DYNC2LI1: variants seen among roughly 807,000 people sequenced by gnomAD.
DYNC2LI1 encodes the protein dynein cytoplasmic 2 light intermediate chain 1.
DYNC2LI1 carries 45 observed loss-of-function variants against 51.9 expected under a neutral mutation model. That is an observed-to-expected ratio of 0.87 (90% CI 0.68 to 1.11). The LOEUF (loss-of-function observed/expected upper bound fraction) is 1.11. Ranked by LOEUF, DYNC2LI1 falls within the 50% of genes most tolerant of loss-of-function variation. The probability of loss-of-function intolerance (pLI) is 0.00; values close to 1 mark genes in which losing one functional copy is unlikely to be tolerated. For synonymous variants in DYNC2LI1, 130 were observed against 137.8 expected, an observed-to-expected ratio of 0.94 and a Z score of 0.40; for missense variants, 490 against 417.4, an observed-to-expected ratio of 1.17 and a Z score of -1.51.
chr2:43,797,494 T>G, intron 8 of DYNC2LI1, among the ~76,000 whole-genome samples: 1 of 151,448 alleles, frequency 6.6e-6, no homozygotes, highest in Non-Finnish European at 1.5e-5. Context: ...AAATGTCCTT[T>G]AATGCAATAA....
intron 4 of DYNC2LI1, 28 bp from the exon 5 acceptor site, chr2:43,789,605 C>CA: frequency 6.2e-7 from 1 of 1,603,564 alleles, no homozygotes; most frequent in Non-Finnish European, 8.5e-7. Flanking sequence ...ACTTAAACTT[C>CA]AAAAAATCAA....
chr2:43,807,525 G>A (rs1394248012), intron 12 of DYNC2LI1, among the ~76,000 whole-genome samples: 3 of 151,660 alleles, frequency 2.0e-5, no homozygotes, highest in South Asian at 2.1e-4. Flanking sequence ...CTGCAACCTT[G>A]AACTCCAGGG....
At chr2:43,826,988 T>C in the DYNC2LI1 span, among the ~76,000 whole-genome samples, 2 of 152,172 alleles carry the variant, frequency 1.3e-5, no homozygotes, top group African/African-American at 4.8e-5. Context: ...TGGCAGGCAT[T>C]TGGGTTCTTT....
intron 8 of DYNC2LI1, among the ~76,000 whole-genome samples, chr2:43,798,065 T>C (rs965964534): frequency 2.0e-5 from 3 of 151,904 alleles, no homozygotes; most frequent in African/African-American, 7.3e-5. Context: ...AGGTCAAGGC[T>C]GCAGTGAACC....
chr2:43,799,951 G>C (rs1666020632), intron 8 of DYNC2LI1, among the ~76,000 whole-genome samples: 1 of 152,082 alleles, frequency 6.6e-6, no homozygotes, highest in South Asian at 2.1e-4. Flanking sequence ...CTTTCTCTGA[G>C]AGCATTAAGA....
intron 10 of DYNC2LI1, 48 bp downstream of exon 10, chr2:43,801,757 G>T: frequency 1.4e-6 from 2 of 1,408,780 alleles, no homozygotes; most frequent in Non-Finnish European, 2.0e-6. Flanking sequence ...ATTGCTTATT[G>T]ATTTTGTCCT....
At chr2:43,778,169 A>G (rs1475520703) in intron 2 of DYNC2LI1, among the ~76,000 whole-genome samples, 1 of 152,014 alleles carries the variant, frequency 6.6e-6, no homozygotes, top group Non-Finnish European at 1.5e-5. Context: ...TAAGCATGTT[A>G]TTTCTTTTTT....
chr2:43,805,657 T>G (rs935691156), intron 12 of DYNC2LI1: 1 of 153,230 alleles, frequency 6.5e-6, no homozygotes, highest in Non-Finnish European at 1.5e-5. Flanking sequence ...TATACTTTCC[T>G]TGTACTAGAA....
chr2:43,810,323 A>G, downstream of DYNC2LI1: 1 of 980,774 alleles, frequency 1.0e-6, no homozygotes, highest in Non-Finnish European at 1.2e-6. Context: ...ATCAGCACCA[A>G]TTTCACCCTG....
At chr2:43,827,325 C>CAA in the DYNC2LI1 span, among the ~76,000 whole-genome samples, 9,225 of 112,030 alleles carry the variant, frequency 0.082, 367 homozygotes, top group African/African-American at 0.096. Context: ...AACTCTGTCT[C>CAA]AAAAAAAAAA....
intron 5 of DYNC2LI1, 51 bp downstream of exon 5, chr2:43,789,772 G>C: frequency 6.6e-7 from 1 of 1,511,902 alleles, no homozygotes; most frequent in Non-Finnish European, 9.0e-7. Flanking sequence ...AGTGTCCCTA[G>C]GAGGAATATG....
the DYNC2LI1 span, among the ~76,000 whole-genome samples, chr2:43,821,454 C>G: frequency 6.6e-6 from 1 of 152,158 alleles, no homozygotes; most frequent in African/African-American, 2.4e-5. Context: ...AATGGTTTCG[C>G]TCCCAGGATT....
At chr2:43,781,347 A>G (rs931652538) in intron 2 of DYNC2LI1, among the ~76,000 whole-genome samples, 1 of 150,910 alleles carries the variant, frequency 6.6e-6, no homozygotes, top group African/African-American at 2.5e-5. Context: ...AGCCTATGCA[A>G]CAGAGGGAGA....
intron 3 of DYNC2LI1, 119 bp from the exon 4 acceptor site, chr2:43,787,062 C>G: frequency 1.4e-6 from 1 of 696,302 alleles, no homozygotes; most frequent in South Asian, 1.9e-5. Context: ...CGCTATTATA[C>G]AAGGTAACTT....
intron 2 of DYNC2LI1, among the ~76,000 whole-genome samples, chr2:43,781,091 G>A (rs1410177381): frequency 1.3e-5 from 2 of 152,222 alleles, no homozygotes; most frequent in South Asian, 2.1e-4. Flanking sequence ...TTAAGGCCAG[G>A]CGTGGTGGCT....
At chr2:43,792,515 G>A (rs1673837275) in intron 5 of DYNC2LI1, among the ~76,000 whole-genome samples, 1 of 151,912 alleles carries the variant, frequency 6.6e-6, no homozygotes, top group African/African-American at 2.4e-5. Context: ...AGTTTTTATT[G>A]TCGTAAAATA....
chr2:43,822,438 T>G, the DYNC2LI1 span: 1 of 857,732 alleles, frequency 1.2e-6, no homozygotes, highest in Non-Finnish European at 1.4e-6. Flanking sequence ...TGTGTCTGTT[T>G]TAAGGTTTTA....
At chr2:43,827,244 C>T in the DYNC2LI1 span, among the ~76,000 whole-genome samples, 1 of 150,672 alleles carries the variant, frequency 6.6e-6, no homozygotes, top group Non-Finnish European at 1.5e-5. Flanking sequence ...AGAATCGCTT[C>T]AACCTGGGAG....
chr2:43,815,961 T>C, the DYNC2LI1 span, among the ~76,000 whole-genome samples: 4 of 147,204 alleles, frequency 2.7e-5, no homozygotes, highest in Non-Finnish European at 6.0e-5. Context: ...AACTATGAGA[T>C]GACAAAGGCC....
Sources: gnomAD v4.1 joint callset for allele counts (sites outside exome capture counted in the v4.1 genomes callset) on GRCh38, gnomAD v4.1.1 for gene constraint, MANE v1.5 for transcripts, NCBI Gene and HGNC (gene_info 2026-07-23, HGNC 2026-07-21) for gene names.